TEX264: variants seen among roughly 807,000 people sequenced by gnomAD.
TEX264 encodes the protein testis-expressed protein 264.
A neutral mutation model predicts 23.4 loss-of-function variants in TEX264; 13 were observed. That is an observed-to-expected ratio of 0.56 (90% CI 0.36 to 0.88). The LOEUF (loss-of-function observed/expected upper bound fraction) is 0.88. TEX264 is among the 40% of genes least tolerant of loss of function. The pLI, the probability that TEX264 is intolerant of heterozygous loss-of-function variation, is 0.01. For missense variants in TEX264, 340 were observed against 406.8 expected (o/e 0.84, Z 1.41); for synonymous variants, 159 against 170.0 (o/e 0.94, Z 0.50).
rs1702609266 is a variant in TEX264 at position 51,686,054 on chromosome 3, T to TTGGGCTATGTCAGGGGAGCTGCC, written c.480+1423_480+1445dup. On this transcript the variant is annotated intron_variant, in intron 3 of 4. Coordinates refer to ENST00000341333, the MANE Select transcript of TEX264 (RefSeq NM_015926.6). This position sits in a 1 kb window ranked among gnomAD's most constrained non-coding sequence, Gnocchi z 4.1. ...CTGGTTTTGGGGGGAAGGTAGCTATTTGGGCTATGTCAGGGGAGCTGCCTG... is the reference window on the plus strand; with the variant it reads ...CTGGTTTTGGGGGGAAGGTAGCTATTTGGGCTATGTCAGGGGAGCTGCCTGGGCTATGTCAGGGGAGCTGCCTG... Among the ~76,000 whole-genome samples, 1 of 152,024 alleles carries TTGGGCTATGTCAGGGGAGCTGCC rather than the reference T, an allele frequency of 6.6e-6. No homozygotes were observed. The highest frequency in any genetic ancestry group is 1.5e-5 in the Non-Finnish European group (1 of 67,978).
intron 2 of TEX264, among the ~76,000 whole-genome samples, chr3:51,681,093 G>A (rs1196141295): frequency 6.6e-6 from 1 of 152,174 alleles, no homozygotes; most frequent in African/African-American, 2.4e-5. Context: ...GCCAGGGCAG[G>A]GGAGGAGGTA....
intron 1 of TEX264, 149 bp from the exon 2 acceptor site, chr3:51,674,122 C>CT: frequency 2.8e-6 from 2 of 704,670 alleles, no homozygotes; most frequent in South Asian, 3.8e-5. Flanking sequence ...CCAGGTCACT[C>CT]TGTGTGTAAA....
chr3:51,703,796 C>T lies in TEX264; in HGVS notation c.722C>T (p.Ala241Val). 6.2e-7 allele frequency: 1 copy of T among 1,609,794 alleles called. No homozygotes were observed. Among genetic ancestry groups the T allele is most frequent in the South Asian group, 1.1e-5 (1 of 90,960 alleles). Residue 241 changes from alanine to valine, a missense_variant, in exon 5 of 5, where the codon GCC becomes GTC. By Grantham distance (64) the Ala-to-Val change is moderately conservative. Transcript: ENST00000341333. This position sits in a 1 kb window ranked among gnomAD's most constrained non-coding sequence, Gnocchi z 4.8. ...CCTGGCAGCCGGGAGACTTCAGCTGCCACACTGTCACCTGGGGCGAGCAGC... is the reference window on the plus strand; with the variant it reads ...CCTGGCAGCCGGGAGACTTCAGCTGTCACACTGTCACCTGGGGCGAGCAGC... ...VSPGSRETSA[A>V]TLSPGASSRG...
chr3:51,702,506 C>T (rs950874033), intron 4 of TEX264, among the ~76,000 whole-genome samples: 2 of 152,146 alleles, frequency 1.3e-5, no homozygotes, highest in South Asian at 2.1e-4. Context: ...ATTCTCCCAC[C>T]CCCAACCTAG....
chr3:51,693,486 T>C (rs1250641408), intron 3 of TEX264, among the ~76,000 whole-genome samples: 2 of 149,584 alleles, frequency 1.3e-5, no homozygotes, highest in African/African-American at 4.9e-5. Flanking sequence ...GTTTTTTTTT[T>C]TTTTTTTTTT....
Position 51,703,905 on chromosome 3 carries a change from C to T in TEX264, c.831C>T (p.Asp277=). Residue 277 remains aspartate (D), a synonymous_variant, in exon 5 of 5, where the codon GAC becomes GAT. Transcript: ENST00000341333. This position sits in a 1 kb window ranked among gnomAD's most constrained non-coding sequence, Gnocchi z 4.8. ...GCGGCTCCTCTTTTGAGGAGCTGGACTTGGAGGGCGAGGGGCCCTTAGGGG... is the reference window on the plus strand; with the variant it reads ...GCGGCTCCTCTTTTGAGGAGCTGGATTTGGAGGGCGAGGGGCCCTTAGGGG... The part of the protein sequence containing the change: ...GASGSSFEEL[D]LEGEGPLGES... 6.2e-7 allele frequency: 1 copy of T among 1,610,756 alleles called. No individual in the cohort carries two copies. The highest frequency in any genetic ancestry group is 8.5e-7 in the Non-Finnish European group (1 of 1,177,772).
In TEX264 at chr3:51,673,287, T is replaced by C. The variant is rs374600503; in HGVS notation, c.-34-984T>C. Reference sequence around the variant, plus strand: ...AACAGTCTTCTCTGGGCTGTGATTTTTCCCCCCCGCCAGGCAACTCAGGTC... The same window carrying C: ...AACAGTCTTCTCTGGGCTGTGATTTCTCCCCCCCGCCAGGCAACTCAGGTC... On this transcript the variant is annotated intron_variant, in intron 1 of 4. Transcript: ENST00000341333. Among the ~76,000 whole-genome samples, 14 of 152,306 alleles carry C rather than the reference T, an allele frequency of 9.2e-5. No individual in the cohort carries two copies. In the East Asian group the frequency reaches 9.6e-4, roughly 10 times the overall value.
chr3:51,678,327 A>G (rs537093140), intron 2 of TEX264, among the ~76,000 whole-genome samples: 2 of 152,268 alleles, frequency 1.3e-5, no homozygotes, highest in East Asian at 1.9e-4. Flanking sequence ...GACAGGCCCT[A>G]GTGGCTGGGC....
At position 51,704,222 on chromosome 3, in the gene TEX264, C is replaced by A; in HGVS notation, c.*206C>A. On this transcript the variant is annotated 3_prime_UTR_variant, in exon 5 of 5. Transcript: ENST00000341333. ...GAGGAGCCAGGGACTATTTTCTGCA[C>A]CAGCCCCCAGGGCTGCCACCCCTGT... 2.3e-6 allele frequency: 1 copy of A among 427,978 alleles called. No homozygotes were observed. Among genetic ancestry groups the A allele is most frequent in the Non-Finnish European group, 4.0e-6 (1 of 252,388 alleles). 26.5% of individuals were successfully genotyped at this position (427,978 alleles called of 1,614,324 possible). A position where few individuals can be genotyped will look rare whatever the true frequency, so the allele number is the denominator to read the frequency against.
chr3:51,674,958 C>T (rs1171674502), intron 2 of TEX264, among the ~76,000 whole-genome samples: 1 of 152,228 alleles, frequency 6.6e-6, no homozygotes, highest in Non-Finnish European at 1.5e-5. Context: ...TTTGGGGTTA[C>T]ATCTTGCTGT....
At chr3:51,699,862 G>A (rs1447808675) in intron 4 of TEX264, among the ~76,000 whole-genome samples, 1 of 152,146 alleles carries the variant, frequency 6.6e-6, no homozygotes, top group Non-Finnish European at 1.5e-5. Context: ...AGTACCCTTG[G>A]AAACAAAGAT....
At chr3:51,671,932 T>G (rs1032734064) in intron 1 of TEX264, 1 of 152,238 alleles carries the variant, frequency 6.6e-6, no homozygotes, top group Non-Finnish European at 1.5e-5. Context: ...CCCGGGCCTC[T>G]GAGCGGAGGG....
chr3:51,673,763 T>G (rs1303559328), intron 1 of TEX264, among the ~76,000 whole-genome samples: 2 of 152,154 alleles, frequency 1.3e-5, no homozygotes, highest in Admixed American at 6.5e-5. Flanking sequence ...TTGTTCCTTA[T>G]GGTTTCCCTG....
rs1185818563 is a variant in TEX264, at chr3:51,687,088, G to A, written c.480+2454G>A. On this transcript the variant is annotated intron_variant, in intron 3 of 4. Transcript: ENST00000341333. ...CTGTCAGCTGTGCTCCTGGAGTGGG[G>A]GTTGAGACAAGGAAGCCAGTGATAT... Among the ~76,000 whole-genome samples the A allele has an allele frequency of 8.4e-4, 128 of 152,340 alleles. 1 individual carries two copies. Among genetic ancestry groups the A allele is most frequent in the Non-Finnish European group, 1.2e-4 (8 of 68,022 alleles).
Position 51,699,580 on chromosome 3 carries a change from G to A in TEX264, c.649+6G>A. ...CACCCAGGTGGATGGCACAGGTACA[G>A]AAGGTGGGGTATGAGGATGGGGCCC... On this transcript the variant is annotated splice_donor_region_variant and intron_variant, in intron 4 of 4. Transcript: ENST00000341333. The A allele has an allele frequency of 1.2e-6, 2 of 1,613,608 alleles. No individual in the cohort carries two copies. The highest frequency in any genetic ancestry group is 1.7e-6 in the Non-Finnish European group (2 of 1,179,650).
chr3:51,688,338 C>T (rs1009140948), intron 3 of TEX264, among the ~76,000 whole-genome samples: 4 of 152,190 alleles, frequency 2.6e-5, no homozygotes, highest in African/African-American at 9.7e-5. Context: ...GGGAAGGCTT[C>T]GGACACATGG....
intron 2 of TEX264, among the ~76,000 whole-genome samples, chr3:51,677,818 G>A (rs552752688): frequency 9.8e-4 from 149 of 152,326 alleles, no homozygotes; most frequent in African/African-American, 3.5e-3. Context: ...ATGGGAAGAG[G>A]CTGCAGGTCT....
chr3:51,697,098 G>A (rs192161873), intron 3 of TEX264, among the ~76,000 whole-genome samples: 1 of 152,348 alleles, frequency 6.6e-6, no homozygotes, highest in Non-Finnish European at 1.5e-5. Context: ...AGATGAAGGC[G>A]ACGGCAAGGA....
chr3:51,675,438 T>G (rs1702197700), intron 2 of TEX264, among the ~76,000 whole-genome samples: 1 of 152,182 alleles, frequency 6.6e-6, no homozygotes. Flanking sequence ...AGTCCTGCAG[T>G]CTACCCAATG....
Sources: gnomAD v4.1 joint callset for allele counts (sites outside exome capture counted in the v4.1 genomes callset) on GRCh38, gnomAD v4.1.1 for gene constraint, Gnocchi (gnomAD v3.1) non-coding constraint, MANE v1.5 for transcripts, NCBI Gene and HGNC (gene_info 2026-07-23, HGNC 2026-07-21) for gene names.